Variants in VPS13A observed in about 807,000 individuals in gnomAD.
The protein encoded by VPS13A is intermembrane lipid transfer protein VPS13A.
A neutral mutation model predicts 390.9 loss-of-function variants in VPS13A; 264 were observed. The ratio of observed to expected loss-of-function variants is 0.68; its 90% CI spans 0.61 to 0.75. The LOEUF (loss-of-function observed/expected upper bound fraction) is 0.75. Among genes scored for constraint, VPS13A ranks in the 30% least tolerant of loss-of-function variants. The probability of loss-of-function intolerance (pLI) is 0.00; values close to 1 mark genes in which losing one functional copy is unlikely to be tolerated. For missense variants in VPS13A, 3,409 were observed against 3,733.9 expected, an observed-to-expected ratio of 0.91 and a Z score of 2.27; for synonymous variants, 1,231 against 1,227.1, an observed-to-expected ratio of 1.00 and a Z score of -0.07.
chr9:77,406,484 C>G (rs141875982), intron 70 of VPS13A, among the ~76,000 whole-genome samples: 1 of 152,150 alleles, frequency 6.6e-6, no homozygotes, highest in Non-Finnish European at 1.5e-5. Context: ...CAGTGGCGCT[C>G]TTGGATCACT....
At chr9:77,312,714 C>G (rs560379263) in intron 35 of VPS13A, among the ~76,000 whole-genome samples, 2 of 152,028 alleles carry the variant, frequency 1.3e-5, no homozygotes, top group African/African-American at 4.8e-5. Context: ...CATGCCCAGC[C>G]GTTCATATAA....
chr9:77,410,921 C>T (rs1410848354), intron 71 of VPS13A, among the ~76,000 whole-genome samples: 1 of 152,188 alleles, frequency 6.6e-6, no homozygotes, highest in East Asian at 1.9e-4. Context: ...TTGAACTCAG[C>T]TCTGCACCAA....
rs1014101966 is a variant in VPS13A, at chr9:77,223,610, A to G, written c.1161+2254A>G. On this transcript the variant is annotated intron_variant, in intron 13 of 71. Coordinates refer to ENST00000360280, the MANE Select transcript of VPS13A (RefSeq NM_033305.3). ...TTATCCAGTGCAAGGCCCTAAACAT[A>G]TTCTCTTCAATACTATAAAGACTGA... Among the ~76,000 whole-genome samples, 5 of 152,310 alleles carry G rather than the reference A, an allele frequency of 3.3e-5. No individual in the cohort carries two copies. In the Middle Eastern group the frequency reaches 0.014, roughly 414 times the overall value.
At chr9:77,330,996 A>G (rs1347772044) in intron 45 of VPS13A, among the ~76,000 whole-genome samples, 2 of 152,052 alleles carry the variant, frequency 1.3e-5, no homozygotes, top group Non-Finnish European at 2.9e-5. Flanking sequence ...TTGTTTTGCT[A>G]TGTTCTGTTT....
At chr9:77,225,280 T>C (rs573410750) in intron 13 of VPS13A, among the ~76,000 whole-genome samples, 1 of 151,608 alleles carries the variant, frequency 6.6e-6, no homozygotes, top group Non-Finnish European at 1.5e-5. Context: ...TTTGTATAGA[T>C]TTTTTTTGAG....
intron 31 of VPS13A, among the ~76,000 whole-genome samples, chr9:77,288,036 C>T (rs1460813901): frequency 2.0e-5 from 3 of 152,150 alleles, no homozygotes; most frequent in African/African-American, 7.2e-5. Context: ...TTGAGGTTAG[C>T]CCTTCTCCCC....
chr9:77,391,518 T>G (rs1833898078), intron 68 of VPS13A, among the ~76,000 whole-genome samples: 1 of 152,192 alleles, frequency 6.6e-6, no homozygotes, highest in African/African-American at 2.4e-5. Flanking sequence ...TGTTTTAAAT[T>G]CAAATGAAAT....
intron 47 of VPS13A, 37 bp downstream of exon 47, chr9:77,337,574 A>G: frequency 6.3e-7 from 1 of 1,590,284 alleles, no homozygotes; most frequent in Admixed American, 1.7e-5. Flanking sequence ...CCTGTTTTTG[A>G]TTTTGTAGTT....
At chr9:77,345,186 AGAT>A (rs757444183) in intron 52 of VPS13A, 44 bp downstream of exon 52, 30 of 1,598,148 alleles carry the variant, frequency 1.9e-5, no homozygotes, top group Non-Finnish European at 2.6e-5. Flanking sequence ...GTGTAAGTCT[AGAT>A]GATGAGGCAC....
rs149799163 is a variant in VPS13A, at chr9:77,405,905, C to T, written c.9317C>T (p.Thr3106Met). Residue 3106 changes from threonine to methionine, a missense_variant, in exon 70 of 72, where the codon ACG (threonine) becomes ATG (methionine). Physicochemically the swap from Thr to Met is moderately conservative, Grantham distance 81. Coordinates refer to ENST00000360280, the MANE Select transcript of VPS13A (RefSeq NM_033305.3). ...FVTKGTFGQL[T>M]CEWQYSFDEF... ...ACAAAGGGAACATTTGGACAACTCA[C>T]GTGTGAGTGGCAGTATAGTTTTGAT... 22 of 1,613,738 alleles carry T rather than the reference C, an allele frequency of 1.4e-5. No homozygotes were observed. Among genetic ancestry groups the T allele is most frequent in the African/African-American group, 4.0e-5 (3 of 74,910 alleles).
intron 45 of VPS13A, among the ~76,000 whole-genome samples, chr9:77,326,784 A>C (rs369258789): frequency 1.3e-5 from 2 of 152,148 alleles, no homozygotes. Context: ...GTTACCTAAA[A>C]CTACTGTATA....
chr9:77,344,249 G>A lies in VPS13A; in HGVS notation c.7123G>A (p.Glu2375Lys), dbSNP rs762169199. 1 of 1,613,304 alleles carries A rather than the reference G, an allele frequency of 6.2e-7. No homozygotes were observed. The highest frequency in any genetic ancestry group is 1.7e-5 in the Admixed American group (1 of 59,980). The change falls in exon 51 of 72, where the codon GAA becomes AAA. Residue 2375 changes from glutamate (E) to lysine (K), a missense_variant. Physicochemically the swap from Glu to Lys is moderately conservative, Grantham distance 56. Around this residue, in one of 5 missense-constraint regions of VPS13A, gnomAD observed 2,717 missense variants for 2,917.4 expected, o/e 0.93. Coordinates refer to ENST00000360280, the MANE Select transcript of VPS13A (RefSeq NM_033305.3). ...PPKRIYFNKQ[E>K]NCILLRLDNE... ...CAAAAGGATATATTTTAACAAGCAGGAAAATTGTATTCTATTGCGTCTAGA... is the reference window on the plus strand; with the variant it reads ...CAAAAGGATATATTTTAACAAGCAGAAAAATTGTATTCTATTGCGTCTAGA...
rs1317205966 is a variant in VPS13A at position 77,370,451 on chromosome 9, C to T, written c.8780C>T (p.Ala2927Val). The T allele has an allele frequency of 6.8e-6, 11 of 1,614,134 alleles. No homozygotes were observed. Among genetic ancestry groups the T allele is most frequent in the Admixed American group, 1.7e-5 (1 of 60,004 alleles). Reference protein sequence around the residue: ...LAGAASKITGAMAKGVAAMTM... With the variant: ...LAGAASKITGVMAKGVAAMTM... ...GGTGCTGCCTCCAAAATCACCGGTG[C>T]TATGGCTAAGGGGGTAGCAGCTATG... is the stretch of plus-strand genomic sequence containing the variant. Residue 2927 changes from alanine (A) to valine (V), a missense_variant, in exon 65 of 72, where the codon GCT becomes GTT. This residue lies in a region of VPS13A where 318 missense variants were observed against 333.7 expected (regional missense o/e 0.95). Transcript: ENST00000360280.
In VPS13A at chr9:77,228,273, T is replaced by G; in HGVS notation, c.1595+9T>G. 6.3e-7 allele frequency: 1 copy of G among 1,575,568 alleles called. No homozygotes were observed. Among genetic ancestry groups the G allele is most frequent in the South Asian group, 1.2e-5 (1 of 85,568 alleles). ...GGAGCACAAGCAATAAAGTAAGTAT[T>G]AATTTATCTTTTTTTATCATATATG... On this transcript the variant is annotated intron_variant, in intron 17 of 71. Transcript: ENST00000360280.
chr9:77,302,685 T>G (rs538458157), intron 33 of VPS13A, among the ~76,000 whole-genome samples: 1 of 152,182 alleles, frequency 6.6e-6, no homozygotes, highest in African/African-American at 2.4e-5. Flanking sequence ...TATTTCTGTA[T>G]AATATAGAAC....
chr9:77,298,804 T>C (rs1447373448), intron 33 of VPS13A, among the ~76,000 whole-genome samples: 1 of 152,172 alleles, frequency 6.6e-6, no homozygotes, highest in Non-Finnish European at 1.5e-5. Flanking sequence ...TCCCCCATAC[T>C]GTTCTCATGA....
At chr9:77,218,806 A>G (rs1013676353) in intron 10 of VPS13A, among the ~76,000 whole-genome samples, 3 of 152,134 alleles carry the variant, frequency 2.0e-5, no homozygotes, top group Non-Finnish European at 4.4e-5. Flanking sequence ...AGGCTGTAGC[A>G]TGGATTTGGA....
At chr9:77,217,338 T>C (rs1346695708) in intron 10 of VPS13A, among the ~76,000 whole-genome samples, 3 of 152,212 alleles carry the variant, frequency 2.0e-5, no homozygotes, top group African/African-American at 7.2e-5. Flanking sequence ...TTGTATAAAA[T>C]TGTGGAGTAC....
intron 23 of VPS13A, among the ~76,000 whole-genome samples, chr9:77,264,251 T>G (rs1825911561): frequency 6.6e-6 from 1 of 152,216 alleles, no homozygotes; most frequent in South Asian, 2.1e-4. Context: ...TTTGTTCTTT[T>G]TGCTTAGGAT....
Sources: gnomAD v4.1 joint callset for allele counts (sites outside exome capture counted in the v4.1 genomes callset) on GRCh38, gnomAD v4.1.1 for gene constraint, gnomAD v4.1.1 regional missense constraint, MANE v1.5 for transcripts, NCBI Gene and HGNC (gene_info 2026-07-23, HGNC 2026-07-21) for gene names.